The following SMG6 variants were observed in gnomAD, a reference collection of about 807,000 sequenced individuals.
SMG6 encodes telomerase-binding protein EST1A.
Under a neutral mutation model 142.2 loss-of-function variants are expected in SMG6, and 66 were observed. That is an observed-to-expected ratio of 0.46 (90% confidence interval 0.38 to 0.57). SMG6 has a LOEUF of 0.57. Among genes scored for constraint, SMG6 ranks in the 20% least tolerant of loss-of-function variants. The pLI is 0.00. For synonymous variants in SMG6, 779 were observed against 702.4 expected (o/e 1.11, Z -1.72); for missense variants, 1,793 against 1,832.0 (o/e 0.98, Z 0.39).
At chr17:2,233,890 T>C (rs1337678251) in intron 10 of SMG6, among the ~76,000 whole-genome samples, 2 of 152,340 alleles carry the variant, frequency 1.3e-5, no homozygotes, top group African/African-American at 4.8e-5. Flanking sequence ...CACTGGGTAC[T>C]TGGCAGCACG....
At chr17:2,105,527 G>C (rs538973999) in intron 13 of SMG6, among the ~76,000 whole-genome samples, 2 of 151,940 alleles carry the variant, frequency 1.3e-5, no homozygotes, top group African/African-American at 4.8e-5. Context: ...TGAGCAACAA[G>C]AGCAAAACTC....
intron 10 of SMG6, among the ~76,000 whole-genome samples, chr17:2,220,861 C>T (rs2073150368): frequency 1.3e-5 from 2 of 152,098 alleles, no homozygotes; most frequent in South Asian, 4.1e-4. Flanking sequence ...GAAAGAATGT[C>T]ACTGCCAGAA....
Position 2,062,442 on chromosome 17 carries a change from GTA to G in SMG6, c.4130-822_4130-821del, listed in dbSNP as rs1378108103. 12 of 151,816 alleles carry G rather than the reference GTA, an allele frequency of 7.9e-5. No homozygotes were observed. In the East Asian group the frequency reaches 2.3e-3, roughly 29 times the overall value. The allele number at this position is 151,816 out of a possible 1,614,324, so 9.4% of individuals were successfully genotyped here. Reference sequence around the variant, plus strand: ...TGATCATATTAGCCACACTTTCAGAGTATATACTTAAAAGGTCTTGCTATAGT... The same window carrying G: ...TGATCATATTAGCCACACTTTCAGAGTATACTTAAAAGGTCTTGCTATAGT... On this transcript the variant is annotated intron_variant, in intron 18 of 18. Transcript: ENST00000263073.
intron 18 of SMG6, chr17:2,063,061 T>C: frequency 6.6e-6 from 1 of 152,386 alleles, no homozygotes; most frequent in Admixed American, 6.5e-5. Flanking sequence ...TGCAGGGCTG[T>C]GTGGGGCTCC....
At chr17:2,086,544 T>C (rs567579827) in intron 13 of SMG6, among the ~76,000 whole-genome samples, 1 of 152,320 alleles carries the variant, frequency 6.6e-6, no homozygotes, top group Non-Finnish European at 1.5e-5. Flanking sequence ...ACCAAAGCTA[T>C]ACTCTTTCTG....
intron 13 of SMG6, 141 bp from the exon 14 acceptor site, chr17:2,086,042 G>A (rs536367385): frequency 7.2e-5 from 61 of 843,762 alleles, no homozygotes; most frequent in African/African-American, 4.2e-4. Context: ...GACGGGGTGC[G>A]GAGGGCACAA....
At chr17:2,119,640 C>T (rs1321708785) in intron 13 of SMG6, among the ~76,000 whole-genome samples, 2 of 151,874 alleles carry the variant, frequency 1.3e-5, no homozygotes, top group Admixed American at 6.6e-5. Flanking sequence ...GTTGGGATTA[C>T]AGGCATGTAC....
At chr17:2,292,678 T>C in intron 5 of SMG6, 48 bp from the exon 6 acceptor site, 6 of 1,603,096 alleles carry the variant, frequency 3.7e-6, no homozygotes, top group Non-Finnish European at 5.1e-6. Context: ...GATTAGCTTT[T>C]TCCCAATTCA....
chr17:2,125,870 T>C (rs1223261508), intron 13 of SMG6, among the ~76,000 whole-genome samples: 1 of 149,998 alleles, frequency 6.7e-6, no homozygotes, highest in African/African-American at 2.5e-5. Context: ...CAAGAATCGC[T>C]TGAACCTGAG....
chr17:2,074,907 G>C (rs2068214110), intron 15 of SMG6, among the ~76,000 whole-genome samples: 1 of 152,218 alleles, frequency 6.6e-6, no homozygotes, highest in Admixed American at 6.5e-5. Context: ...GCAGCCTGAG[G>C]GCGTTTCAGA....
chr17:2,297,010 G>GAAAAAAA (rs374673133), intron 4 of SMG6, among the ~76,000 whole-genome samples: 1 of 61,008 alleles, frequency 1.6e-5, no homozygotes, highest in East Asian at 4.5e-4. Context: ...CTCAAAAAAT[G>GAAAAAAA]AAAAAAAAAA....
At chr17:2,115,019 A>G (rs938567259) in intron 13 of SMG6, among the ~76,000 whole-genome samples, 3 of 151,528 alleles carry the variant, frequency 2.0e-5, no homozygotes, top group African/African-American at 7.3e-5. Flanking sequence ...AAAAAAAAAG[A>G]AGGGCACAAC....
At chr17:2,285,521 C>G (rs1206805347) in intron 6 of SMG6, among the ~76,000 whole-genome samples, 1 of 151,984 alleles carries the variant, frequency 6.6e-6, no homozygotes, top group Non-Finnish European at 1.5e-5. Flanking sequence ...TAGCAATGAG[C>G]AATCTGAAAA....
At chr17:2,235,819 G>C (rs973654367) in intron 10 of SMG6, 1 of 152,514 alleles carries the variant, frequency 6.6e-6, no homozygotes, top group African/African-American at 2.4e-5. Flanking sequence ...CCCTGACCTG[G>C]TCATCAGAAC....
intron 15 of SMG6, among the ~76,000 whole-genome samples, chr17:2,077,701 G>T (rs998075072): frequency 6.6e-6 from 1 of 152,136 alleles, no homozygotes; most frequent in African/African-American, 2.4e-5. Context: ...ACGGGGTTTT[G>T]CTATGTTGCA....
chr17:2,184,615 C>G (rs1277976368), intron 12 of SMG6, among the ~76,000 whole-genome samples: 1 of 140,868 alleles, frequency 7.1e-6, no homozygotes, highest in African/African-American at 2.7e-5. Flanking sequence ...TGAGGTCGCG[C>G]CATTATACTC....
intron 10 of SMG6, chr17:2,236,217 T>G: frequency 4.0e-6 from 1 of 250,954 alleles, no homozygotes; most frequent in Admixed American, 5.5e-5. Context: ...GCTGCTGCCT[T>G]TCGCGTGGCC....
At chr17:2,087,875 A>G (rs964890755) in intron 13 of SMG6, 8 of 985,744 alleles carry the variant, frequency 8.1e-6, no homozygotes, top group Non-Finnish European at 9.6e-6. Flanking sequence ...GTCTAATTTT[A>G]ACCACCTTGT....
chr17:2,115,690 T>C (rs745964512), intron 13 of SMG6, among the ~76,000 whole-genome samples: 13 of 152,198 alleles, frequency 8.5e-5, no homozygotes, highest in Non-Finnish European at 1.3e-4. Flanking sequence ...TTCCTTCCAA[T>C]ATGTTGCACT....
Sources: allele counts gnomAD v4.1 joint callset (sites outside exome capture counted in the v4.1 genomes callset), GRCh38; gene constraint gnomAD v4.1.1; transcripts MANE v1.5; gene names NCBI Gene and HGNC (gene_info 2026-07-23, HGNC 2026-07-21).